The following TTC29 variants were observed in gnomAD, a reference collection of about 807,000 sequenced individuals.
The protein encoded by TTC29 is tetratricopeptide repeat protein 29.
Under a neutral mutation model 58.1 loss-of-function variants are expected in TTC29, and 49 were observed. The observed-to-expected ratio is 0.84, with a 90% CI of 0.67 to 1.07. The LOEUF (loss-of-function observed/expected upper bound fraction) is 1.07, where lower values mean the gene tolerates loss of function less well. TTC29 is among the 50% of genes least tolerant of loss of function. TTC29 has a pLI of 0.00. For missense variants in TTC29, 582 were observed against 555.6 expected, an observed-to-expected ratio of 1.05 and a Z score of -0.48; for synonymous variants, 209 against 196.8, an observed-to-expected ratio of 1.06 and a Z score of -0.52.
chr4:146,820,965 G>C (rs748836521), intron 9 of TTC29, among the ~76,000 whole-genome samples: 3 of 151,958 alleles, frequency 2.0e-5, no homozygotes, highest in Non-Finnish European at 4.4e-5. Context: ...CTGGGAGGCG[G>C]AGCTTGCAGT....
intron 11 of TTC29, among the ~76,000 whole-genome samples, chr4:146,781,008 A>G (rs1748553014): frequency 6.6e-6 from 1 of 152,168 alleles, no homozygotes; most frequent in East Asian, 1.9e-4. Context: ...AGCATGCATA[A>G]CATAAAGTAC....
At chr4:146,785,192 G>GC (rs1748919589) in intron 11 of TTC29, among the ~76,000 whole-genome samples, 1 of 107,562 alleles carries the variant, frequency 9.3e-6, no homozygotes, top group Non-Finnish European at 1.7e-5. Context: ...ATAACTTGCT[G>GC]CCTTTTTTTT....
intron 6 of TTC29, among the ~76,000 whole-genome samples, chr4:146,879,248 T>C (rs1731466957): frequency 1.3e-5 from 2 of 152,188 alleles, no homozygotes; most frequent in Admixed American, 1.3e-4. Context: ...GATTTAAAAA[T>C]ATTAAAAGAT....
At chr4:146,894,448 C>T (rs1324886080) in intron 6 of TTC29, among the ~76,000 whole-genome samples, 2 of 149,804 alleles carry the variant, frequency 1.3e-5, no homozygotes, top group African/African-American at 2.5e-5. Flanking sequence ...CCAAACACCA[C>T]ATGTTCTCAC....
At chr4:146,748,327 C>T (rs113157428) in intron 11 of TTC29, among the ~76,000 whole-genome samples, 8 of 152,296 alleles carry the variant, frequency 5.3e-5, no homozygotes, top group African/African-American at 1.9e-4. Context: ...ACTACATCCA[C>T]TCATGTCTTG....
At chr4:146,924,938 T>C (rs894027396) in intron 4 of TTC29, among the ~76,000 whole-genome samples, 1 of 152,034 alleles carries the variant, frequency 6.6e-6, no homozygotes, top group African/African-American at 2.4e-5. Flanking sequence ...AAATATTTTC[T>C]AATTTGACTT....
chr4:146,745,916 T>C (rs1415179901), intron 11 of TTC29, among the ~76,000 whole-genome samples: 1 of 152,268 alleles, frequency 6.6e-6, no homozygotes, highest in African/African-American at 2.4e-5. Flanking sequence ...GAATGGGCAC[T>C]GTTATCTCAC....
At chr4:146,939,664 G>A (rs779670641) in intron 3 of TTC29, 140 bp downstream of exon 3, 14 of 721,242 alleles carry the variant, frequency 1.9e-5, no homozygotes, top group Non-Finnish European at 3.2e-5. Context: ...TTTTGAAACA[G>A]CAGATTTCAA....
chr4:146,816,007 A>C (rs1434521587), intron 10 of TTC29, among the ~76,000 whole-genome samples: 4 of 152,208 alleles, frequency 2.6e-5, no homozygotes, highest in African/African-American at 9.6e-5. Flanking sequence ...GTTTTTGCCA[A>C]GAGTTTATAT....
At chr4:146,804,386 C>A (rs1750454322) in intron 10 of TTC29, among the ~76,000 whole-genome samples, 1 of 152,008 alleles carries the variant, frequency 6.6e-6, no homozygotes, top group African/African-American at 2.4e-5. Context: ...CAAGACAGAA[C>A]CATTCACTCC....
chr4:146,866,994 C>T (rs754404777), intron 8 of TTC29, among the ~76,000 whole-genome samples: 4 of 152,238 alleles, frequency 2.6e-5, no homozygotes, highest in East Asian at 1.9e-4. Flanking sequence ...TTTGATTATA[C>T]GGCAGGCTAC....
intron 6 of TTC29, among the ~76,000 whole-genome samples, chr4:146,894,685 A>C (rs1732641744): frequency 1.1e-5 from 1 of 92,554 alleles, no homozygotes; most frequent in East Asian, 3.6e-4. Context: ...TATAATAAAA[A>C]ATAAAATAAA....
chr4:146,735,791 A>G (rs1368529716), intron 11 of TTC29, among the ~76,000 whole-genome samples: 1 of 152,202 alleles, frequency 6.6e-6, no homozygotes, highest in Non-Finnish European at 1.5e-5. Flanking sequence ...AAACTGAACA[A>G]CAGTTCGAGA....
At chr4:146,728,148 G>A (rs1340813860) in intron 11 of TTC29, among the ~76,000 whole-genome samples, 2 of 151,850 alleles carry the variant, frequency 1.3e-5, no homozygotes, top group South Asian at 2.1e-4. Flanking sequence ...TTAGCCGGGC[G>A]AGGTGGTGGG....
chr4:146,847,802 T>A (rs990080857), intron 8 of TTC29, among the ~76,000 whole-genome samples: 3 of 152,220 alleles, frequency 2.0e-5, no homozygotes, highest in Admixed American at 6.5e-5. Context: ...ATGCTCGCAC[T>A]GTGATCCAGA....
Position 146,834,033 on chromosome 4 carries a change from G to T in TTC29, c.886-136C>A, listed in dbSNP as rs116649431. On this transcript the variant is annotated intron_variant, in intron 8 of 12. Coordinates refer to ENST00000325106, the MANE Select transcript of TTC29 (RefSeq NM_031956.4). ...AAAATTTTGTTGATTAAAAATTCAT[G>T]TTGGTTTGGTTTATTTTTATCTATA... The T allele has an allele frequency of 1.4e-3, 765 of 548,148 alleles. 7 individuals carry two copies. Among genetic ancestry groups the T allele is most frequent in the African/African-American group, 0.013 (671 of 51,594 alleles). 34.0% of individuals were successfully genotyped at this position (548,148 alleles called of 1,614,324 possible).
intron 10 of TTC29, among the ~76,000 whole-genome samples, chr4:146,810,341 C>T (rs183390444): frequency 1.6e-4 from 25 of 152,102 alleles, no homozygotes; most frequent in Non-Finnish European, 2.2e-4. Flanking sequence ...CACCATGGCA[C>T]GTGTATACCT....
At chr4:146,821,437 T>A (rs13143615) in intron 9 of TTC29, among the ~76,000 whole-genome samples, 33,738 of 151,320 alleles carry the variant, frequency 0.22, 4,029 homozygotes, top group East Asian at 0.31. Context: ...AAGCTGTTTT[T>A]AAAAAAAAAC....
chr4:146,770,431 CT>C (rs5862769), intron 11 of TTC29, among the ~76,000 whole-genome samples: 51 of 146,668 alleles, frequency 3.5e-4, no homozygotes, highest in African/African-American at 4.9e-4. Flanking sequence ...AACGTTTTCA[CT>C]TTTTTTTTTT....
Sources: gnomAD v4.1 joint callset for allele counts (sites outside exome capture counted in the v4.1 genomes callset) on GRCh38, gnomAD v4.1.1 for gene constraint, MANE v1.5 for transcripts, NCBI Gene and HGNC (gene_info 2026-07-23, HGNC 2026-07-21) for gene names.